SLC20A2: variants seen among roughly 807,000 people sequenced by gnomAD.
The protein encoded by SLC20A2 is sodium-dependent phosphate transporter 2.
Under a neutral mutation model 61.0 loss-of-function variants are expected in SLC20A2, and 30 were observed. That is an observed-to-expected ratio of 0.49 (90% CI 0.37 to 0.67). SLC20A2 has a LOEUF of 0.67. Ranked by LOEUF, SLC20A2 falls within the 30% of genes least tolerant of loss-of-function variation. SLC20A2 has a pLI of 0.00. For missense variants in SLC20A2, 626 were observed against 866.4 expected (o/e 0.72, Z 3.48); for synonymous variants, 351 against 353.3 (o/e 0.99, Z 0.07).
In SLC20A2 at chr8:42,474,499, A is replaced by G. The variant is rs11996609; in HGVS notation, c.-264-1845T>C. On this transcript the variant is annotated intron_variant, in intron 1 of 10. Coordinates refer to ENST00000520262, the MANE Select transcript of SLC20A2 (RefSeq NM_001257180.2). ...AATGAAAAGACCACTCTAAGGGCAA[A>G]AGACAACATTCCACTGAAAGAGTAT... Among the ~76,000 whole-genome samples, 434 of 152,262 alleles carry G rather than the reference A, an allele frequency of 2.9e-3. 1 individual carries two copies. Among genetic ancestry groups the G allele is most frequent in the African/African-American group, 0.01 (420 of 41,534 alleles).
At chr8:42,507,161 G>T (rs1321590246) in intron 1 of SLC20A2, among the ~76,000 whole-genome samples, 3 of 152,196 alleles carry the variant, frequency 2.0e-5, no homozygotes, top group South Asian at 2.1e-4. Context: ...GGTACAGAAA[G>T]AAATGTTTGT....
In SLC20A2 at chr8:42,507,680, A is replaced by G. The variant is rs1810789976; in HGVS notation, c.-265+34141T>C. On this transcript the variant is annotated intron_variant, in intron 1 of 10. Coordinates refer to the SLC20A2 transcript ENST00000342228. Reference sequence around the variant, plus strand: ...GATTTGTATAAGTGGCAGGATGCCCATGACCACAGCAGAAAGTGGTGTCAA... The same window carrying G: ...GATTTGTATAAGTGGCAGGATGCCCGTGACCACAGCAGAAAGTGGTGTCAA... Among the ~76,000 whole-genome samples, 3 of 152,272 alleles carry G rather than the reference A, an allele frequency of 2.0e-5. No homozygotes were observed. The South Asian group carries it at 6.2e-4, about 31-fold the overall frequency.
chr8:42,436,735 T>C (rs1484873526), intron 8 of SLC20A2, among the ~76,000 whole-genome samples: 1 of 152,204 alleles, frequency 6.6e-6, no homozygotes, highest in Non-Finnish European at 1.5e-5. Flanking sequence ...CGGCCAGCCC[T>C]TCCCTGGAAG....
At chr8:42,424,912 G>C (rs1270947425) in intron 10 of SLC20A2, among the ~76,000 whole-genome samples, 1 of 152,094 alleles carries the variant, frequency 6.6e-6, no homozygotes, top group Non-Finnish European at 1.5e-5. Context: ...CAACCATGGT[G>C]GTGCATGCCT....
intron 1 of SLC20A2, among the ~76,000 whole-genome samples, chr8:42,483,415 C>G (rs531466173): frequency 6.6e-6 from 1 of 152,296 alleles, no homozygotes; most frequent in African/African-American, 2.4e-5. Flanking sequence ...AGGAGAAACA[C>G]ATTTATAATG....
chr8:42,427,341 C>T (rs1055710868), intron 10 of SLC20A2, among the ~76,000 whole-genome samples: 3 of 152,182 alleles, frequency 2.0e-5, no homozygotes, highest in Non-Finnish European at 2.9e-5. Context: ...GGGACCTGAA[C>T]GAGAAGGTGT....
chr8:42,509,298 A>G (rs1178253676), intron 1 of SLC20A2, among the ~76,000 whole-genome samples: 1 of 152,210 alleles, frequency 6.6e-6, no homozygotes, highest in African/African-American at 2.4e-5. Flanking sequence ...ACAGAGATCT[A>G]GAGCACAAGG....
intron 1 of SLC20A2, among the ~76,000 whole-genome samples, chr8:42,474,868 AG>A (rs1807933557): frequency 6.8e-6 from 1 of 147,708 alleles, no homozygotes; most frequent in Non-Finnish European, 1.5e-5. Context: ...GACATGGTGT[AG>A]CAGGCAGCAA....
At chr8:42,524,987 G>T (rs943103594) in intron 1 of SLC20A2, among the ~76,000 whole-genome samples, 8 of 152,004 alleles carry the variant, frequency 5.3e-5, no homozygotes, top group African/African-American at 1.9e-4. Flanking sequence ...TTGCTTCCAG[G>T]TCTAATATTT....
At chr8:42,505,638 G>T (rs1007431404), upstream of SLC20A2, among the ~76,000 whole-genome samples, 1 of 152,080 alleles carries the variant, frequency 6.6e-6, no homozygotes, top group Non-Finnish European at 1.5e-5. Context: ...ATTGAACCTG[G>T]TTATTTGATC....
At chr8:42,427,528 C>T (rs910167309) in intron 10 of SLC20A2, among the ~76,000 whole-genome samples, 3 of 152,124 alleles carry the variant, frequency 2.0e-5, no homozygotes, top group Non-Finnish European at 2.9e-5. Context: ...GTGTTGAGCA[C>T]GGTACCCAGC....
intron 8 of SLC20A2, among the ~76,000 whole-genome samples, chr8:42,433,744 T>C (rs1312881982): frequency 1.3e-5 from 2 of 152,256 alleles, no homozygotes; most frequent in Non-Finnish European, 2.9e-5. Context: ...ACATAATTTG[T>C]TTCCATTCAC....
intron 10 of SLC20A2, among the ~76,000 whole-genome samples, chr8:42,421,428 C>T (rs1205433997): frequency 6.6e-6 from 1 of 152,130 alleles, no homozygotes; most frequent in Non-Finnish European, 1.5e-5. Flanking sequence ...TTCTAATTGG[C>T]TATTGCTGAT....
chr8:42,421,054 T>G (rs1053783097), intron 10 of SLC20A2, among the ~76,000 whole-genome samples: 1 of 152,244 alleles, frequency 6.6e-6, no homozygotes, highest in Non-Finnish European at 1.5e-5. Context: ...CAGGTTGTAT[T>G]TAGGGAGAAG....
intron 1 of SLC20A2, among the ~76,000 whole-genome samples, chr8:42,491,949 T>A (rs1353535910): frequency 6.6e-6 from 1 of 152,206 alleles, no homozygotes; most frequent in Non-Finnish European, 1.5e-5. Context: ...GACATGCTGA[T>A]GTCTTGGGAA....
Position 42,485,642 on chromosome 8 carries a change from C to CAAA in SLC20A2, c.-264-12991_-264-12989dup, listed in dbSNP as rs941111189. Reference sequence around the variant, plus strand: ...GGGTGACAAGAACAAAACTCCGTCTCAAAAAAAAAAAAAAAAAAAAAAAGG... The same window carrying CAAA: ...GGGTGACAAGAACAAAACTCCGTCTCAAAAAAAAAAAAAAAAAAAAAAAAAAGG... On this transcript the variant is annotated intron_variant, in intron 1 of 10. Coordinates refer to ENST00000520262, the MANE Select transcript of SLC20A2 (RefSeq NM_001257180.2). Among the ~76,000 whole-genome samples, 56 of 27,794 alleles carry CAAA rather than the reference C, an allele frequency of 2.0e-3. 1 individual carries two copies. The highest frequency in any genetic ancestry group is 5.2e-3 in the African/African-American group (33 of 6,382). The allele number at this position is 27,794 out of a possible 152,430, so 18.2% of individuals were successfully genotyped here. A position where few individuals can be genotyped will look rare whatever the true frequency, so the allele number is the denominator to read the frequency against.
chr8:42,531,750 G>A (rs1426620676), intron 1 of SLC20A2, among the ~76,000 whole-genome samples: 1 of 151,276 alleles, frequency 6.6e-6, no homozygotes, highest in African/African-American at 2.4e-5. Context: ...AATGACACAG[G>A]TTAATATTTA....
intron 1 of SLC20A2, among the ~76,000 whole-genome samples, chr8:42,481,110 G>A (rs1808520062): frequency 6.6e-6 from 1 of 152,110 alleles, no homozygotes; most frequent in Non-Finnish European, 1.5e-5. Flanking sequence ...GGACTCTGCT[G>A]GCCTCTTTTC....
At chr8:42,447,412 T>G (rs544542939) in intron 5 of SLC20A2, among the ~76,000 whole-genome samples, 1 of 151,314 alleles carries the variant, frequency 6.6e-6, no homozygotes, top group South Asian at 2.1e-4. Flanking sequence ...GTGCGGTGGC[T>G]CATGCCTGTA....
Sources: allele counts gnomAD v4.1 joint callset (sites outside exome capture counted in the v4.1 genomes callset), GRCh38; gene constraint gnomAD v4.1.1; transcripts MANE v1.5; gene names NCBI Gene and HGNC (gene_info 2026-07-23, HGNC 2026-07-21).